RGS6: variants seen among roughly 807,000 people sequenced by gnomAD.
RGS6 encodes the protein regulator of G protein signaling 6, also known as regulator of G-protein signaling 6.
Under a neutral mutation model 78.5 loss-of-function variants are expected in RGS6, and 30 were observed. That is an observed-to-expected ratio of 0.38 (90% CI 0.29 to 0.52). RGS6 has a LOEUF of 0.52. Ranked by LOEUF, RGS6 falls within the 20% of genes least tolerant of loss-of-function variation. The pLI, the probability that RGS6 is intolerant of heterozygous loss-of-function variation, is 0.85. For missense variants in RGS6, 495 were observed against 609.7 expected (o/e 0.81, Z 1.98); for synonymous variants, 206 against 206.0 (o/e 1.00, Z 0.00).
At chr14:72,450,089 A>T (rs2095455780) in intron 3 of RGS6, among the ~76,000 whole-genome samples, 1 of 152,150 alleles carries the variant, frequency 6.6e-6, no homozygotes, top group Admixed American at 6.5e-5. Context: ...CCATTATTTG[A>T]TGCCTCCCGC....
At chr14:71,889,847 T>G in the RGS6 span, among the ~76,000 whole-genome samples, 1 of 152,182 alleles carries the variant, frequency 6.6e-6, no homozygotes, top group Non-Finnish European at 1.5e-5. Context: ...ATTCTCATGA[T>G]GCTGAGTGAG....
At chr14:72,593,439 A>T in the RGS6 span, among the ~76,000 whole-genome samples, 1 of 152,264 alleles carries the variant, frequency 6.6e-6, no homozygotes, top group East Asian at 1.9e-4. Flanking sequence ...AGGCTGGAGT[A>T]CAGCAGTGCG....
intron 2 of RGS6, among the ~76,000 whole-genome samples, chr14:72,303,674 T>A (rs1199994587): frequency 1.3e-5 from 2 of 152,184 alleles, no homozygotes; most frequent in African/African-American, 4.8e-5. Context: ...GGACTCTTTT[T>A]TACCCCATCC....
rs531080724 is a variant in RGS6, at chr14:72,311,107, A to C, written c.85-40988A>C. Among the ~76,000 whole-genome samples, 15 of 152,316 alleles carry C rather than the reference A, an allele frequency of 9.8e-5. 1 individual carries two copies. The highest frequency in any genetic ancestry group is 3.6e-4 in the African/African-American group (15 of 41,568). The stretch of plus-strand genomic sequence containing the variant: ...AGAGAGAAGCGAAGACCATTTTTTT[A>C]GTCCTAATTTCCTACAAGGGACAAT... On this transcript the variant is annotated intron_variant, in intron 2 of 17. Transcript: ENST00000553525.
At chr14:72,131,378 TA>T (rs754189662) in intron 2 of RGS6, among the ~76,000 whole-genome samples, 9 of 152,320 alleles carry the variant, frequency 5.9e-5, no homozygotes, top group African/African-American at 1.7e-4. Flanking sequence ...GGAAGAATCT[TA>T]TTATCTCAAA....
In RGS6 at chr14:72,442,522, A is replaced by C. The variant is rs535711840; in HGVS notation, c.185-12006A>C. Among the ~76,000 whole-genome samples the C allele has an allele frequency of 2.6e-5, 4 of 152,312 alleles. 1 individual carries two copies. In the South Asian group the frequency reaches 8.3e-4, roughly 32 times the overall value. On this transcript the variant is annotated intron_variant, in intron 3 of 17. Transcript: ENST00000553525. ...AGCCCTTGTAACATTCTGGTGCACC[A>C]GTTTAAGGACAGAGCCCTGTCTTAT...
rs1380313097 is a variant in RGS6, at chr14:72,383,165, GA to G, written c.184+30977del. On this transcript the variant is annotated intron_variant, in intron 3 of 17. Transcript: ENST00000553525. ...ACATATATACTATATTTACAGCCAT[GA>G]AAAAATTGTACATATATATATATAT... is the stretch of plus-strand genomic sequence containing the variant. Among the ~76,000 whole-genome samples the G allele has an allele frequency of 3.2e-3, 217 of 67,550 alleles. 1 individual carries two copies. Among genetic ancestry groups the G allele is most frequent in the South Asian group, 0.013 (26 of 1,926 alleles). 44.3% of individuals were successfully genotyped at this position (67,550 alleles called of 152,430 possible).
chr14:72,300,012 T>A lies in RGS6; in HGVS notation c.85-52083T>A, dbSNP rs148340406. On this transcript the variant is annotated intron_variant, in intron 2 of 17. Transcript: ENST00000553525. Reference sequence around the variant, plus strand: ...TATTTCATTTCTCCTTTTTACTACTTCATTCTTTTACTTACCCTGAGTTTA... The same window carrying A: ...TATTTCATTTCTCCTTTTTACTACTACATTCTTTTACTTACCCTGAGTTTA... 4.6e-3 allele frequency among the ~76,000 whole-genome samples: 694 copies of A among 152,314 alleles called. 6 individuals are homozygous for A. Among genetic ancestry groups the A allele is most frequent in the African/African-American group, 0.016 (671 of 41,584 alleles).
chr14:72,297,574 C>T (rs1401130440), intron 2 of RGS6, among the ~76,000 whole-genome samples: 2 of 111,668 alleles, frequency 1.8e-5, no homozygotes, highest in South Asian at 8.2e-4. Flanking sequence ...TCCCTCCCCC[C>T]TCCCCCCACC....
At chr14:72,266,131 T>C (rs1489773240) in intron 2 of RGS6, among the ~76,000 whole-genome samples, 1 of 152,220 alleles carries the variant, frequency 6.6e-6, no homozygotes, top group Non-Finnish European at 1.5e-5. Flanking sequence ...TGCTCCTCGC[T>C]GTATTGAAGG....
At chr14:72,410,388 A>G (rs1417042081) in intron 3 of RGS6, among the ~76,000 whole-genome samples, 2 of 152,102 alleles carry the variant, frequency 1.3e-5, no homozygotes, top group East Asian at 1.9e-4. Flanking sequence ...GTCTGTTCAT[A>G]TCCTTTGCCC....
intron 2 of RGS6, among the ~76,000 whole-genome samples, chr14:72,140,335 A>G (rs1426395386): frequency 6.6e-6 from 1 of 152,210 alleles, no homozygotes; most frequent in Non-Finnish European, 1.5e-5. Context: ...AAAATGCTTT[A>G]TAATCATTTT....
At chr14:72,274,667 G>T (rs914595504) in intron 2 of RGS6, among the ~76,000 whole-genome samples, 5 of 152,194 alleles carry the variant, frequency 3.3e-5, no homozygotes, top group African/African-American at 1.2e-4. Flanking sequence ...CAATAAGAGG[G>T]TGACAGGAGG....
chr14:72,081,260 A>G (rs1323312550), intron 2 of RGS6, among the ~76,000 whole-genome samples: 1 of 151,714 alleles, frequency 6.6e-6, no homozygotes, highest in Non-Finnish European at 1.5e-5. Context: ...TACTTTATTT[A>G]TTTATTTTTT....
chr14:72,419,653 ATGTC>A lies in RGS6; in HGVS notation c.185-34874_185-34871del, dbSNP rs561288359. 3.7e-4 allele frequency among the ~76,000 whole-genome samples: 57 copies of A among 152,326 alleles called. No individual in the cohort carries two copies. The East Asian group carries it at 0.01, about 28-fold the overall frequency. On this transcript the variant is annotated intron_variant, in intron 3 of 17. Transcript: ENST00000553525. ...TGGACCCTGTGGGATGGATAAATCA[ATGTC>A]AGTCATGCCCCTGGAGACCTGGCTG...
rs113269632 is a variant in RGS6 at position 72,379,471 on chromosome 14, A to G, written c.184+27277A>G. Reference sequence around the variant, plus strand: ...AAAAACTCTTAGAACTGATAAGTGAATTCAGTAAAGTTGCAGGTTACAAAA... The same window carrying G: ...AAAAACTCTTAGAACTGATAAGTGAGTTCAGTAAAGTTGCAGGTTACAAAA... On this transcript the variant is annotated intron_variant, in intron 3 of 17. Transcript: ENST00000553525. 7.8e-3 allele frequency among the ~76,000 whole-genome samples: 1,192 copies of G among 152,288 alleles called. 17 individuals are homozygous for G. The highest frequency in any genetic ancestry group is 0.027 in the African/African-American group (1,143 of 41,580).
At chr14:72,006,550 CCA>C (rs1478082010) in intron 2 of RGS6, among the ~76,000 whole-genome samples, 17 of 152,266 alleles carry the variant, frequency 1.1e-4, no homozygotes, top group Admixed American at 9.8e-4. Flanking sequence ...TGGAAGCTGG[CCA>C]CACACATGTG....
intron 2 of RGS6, among the ~76,000 whole-genome samples, chr14:72,222,074 G>A (rs1242849923): frequency 1.3e-5 from 2 of 152,170 alleles, no homozygotes; most frequent in South Asian, 2.1e-4. Flanking sequence ...TTTATAAGAG[G>A]GATATGAACT....
At chr14:72,338,278 T>G (rs573876178) in intron 2 of RGS6, among the ~76,000 whole-genome samples, 1 of 152,292 alleles carries the variant, frequency 6.6e-6, no homozygotes, top group Non-Finnish European at 1.5e-5. Flanking sequence ...CGGTTCCACG[T>G]GGTTGGGGAG....
Sources: gnomAD v4.1 joint callset for allele counts (sites outside exome capture counted in the v4.1 genomes callset) on GRCh38, gnomAD v4.1.1 for gene constraint, MANE v1.5 for transcripts, NCBI Gene and HGNC (gene_info 2026-07-23, HGNC 2026-07-21) for gene names.